NBEA: variants seen among roughly 807,000 people sequenced by gnomAD.
NBEA encodes the protein neurobeachin, also known as lysosomal-trafficking regulator 2.
In NBEA, 44 loss-of-function variants were observed where a neutral mutation model predicts 343.4. The observed-to-expected ratio is 0.13, with a 90% CI of 0.10 to 0.16. NBEA has a LOEUF of 0.16. NBEA is among the 10% of genes least tolerant of loss of function. NBEA has a pLI of 1.00. For synonymous variants in NBEA, 1,175 were observed against 1,238.7 expected (o/e 0.95, Z 1.08); for missense variants, 2,555 against 3,631.3 (o/e 0.70, Z 7.62).
At chr13:35,645,456 A>G (rs2084179936) in intron 49 of NBEA, among the ~76,000 whole-genome samples, 1 of 152,194 alleles carries the variant, frequency 6.6e-6, no homozygotes, top group African/African-American at 2.4e-5. Flanking sequence ...TTTGACACAC[A>G]CAAGAAAGGT....
intron 1 of NBEA, among the ~76,000 whole-genome samples, chr13:35,024,604 T>C (rs1250428892): frequency 6.6e-6 from 1 of 152,086 alleles, no homozygotes; most frequent in Non-Finnish European, 1.5e-5. Context: ...TATTTGAACC[T>C]GATAGGCGGA....
chr13:34,948,169 G>A (rs950398044), intron 1 of NBEA, among the ~76,000 whole-genome samples: 3 of 152,154 alleles, frequency 2.0e-5, no homozygotes, highest in Non-Finnish European at 4.4e-5. Flanking sequence ...CTTTGTAGTG[G>A]TACCTCAGTT....
chr13:35,048,839 A>C (rs1320176918), intron 5 of NBEA, among the ~76,000 whole-genome samples, 155 bp downstream of exon 5: 1 of 151,852 alleles, frequency 6.6e-6, no homozygotes, highest in Non-Finnish European at 1.5e-5. Flanking sequence ...TTATTTATGT[A>C]TGTATATATG....
intron 35 of NBEA, among the ~76,000 whole-genome samples, chr13:35,303,864 G>C (rs563265144): frequency 2.0e-5 from 3 of 152,198 alleles, no homozygotes; most frequent in Admixed American, 1.3e-4. Context: ...TTTTGTGATT[G>C]TTTACTCTAG....
chr13:35,650,114 G>A (rs1308508356), intron 52 of NBEA, among the ~76,000 whole-genome samples: 3 of 152,074 alleles, frequency 2.0e-5, no homozygotes, highest in African/African-American at 7.2e-5. Context: ...AATAATTCAG[G>A]TTCTCCTACT....
intron 16 of NBEA, among the ~76,000 whole-genome samples, chr13:35,119,919 A>G (rs2066703851): frequency 6.6e-6 from 1 of 152,164 alleles, no homozygotes; most frequent in African/African-American, 2.4e-5. Flanking sequence ...TTTGAGCTAT[A>G]TGAAACTGTT....
At chr13:35,075,167 A>C (rs1191164607) in intron 10 of NBEA, among the ~76,000 whole-genome samples, 2 of 152,152 alleles carry the variant, frequency 1.3e-5, no homozygotes, top group Non-Finnish European at 2.9e-5. Context: ...CTGACTCTAA[A>C]CCACTGTGGA....
chr13:35,472,217 G>A (rs933790454), intron 40 of NBEA, among the ~76,000 whole-genome samples, 183 bp from the exon 41 acceptor site: 1 of 152,086 alleles, frequency 6.6e-6, no homozygotes, highest in Non-Finnish European at 1.5e-5. Context: ...CTCTAGTCTC[G>A]TTATAAGGTA....
At chr13:35,368,230 G>C (rs1463433760) in intron 38 of NBEA, among the ~76,000 whole-genome samples, 1 of 151,298 alleles carries the variant, frequency 6.6e-6, no homozygotes. Flanking sequence ...TTCTTCCCAG[G>C]TAAATTCCAG....
At chr13:35,512,784 T>C (rs2077327640) in intron 41 of NBEA, among the ~76,000 whole-genome samples, 2 of 152,328 alleles carry the variant, frequency 1.3e-5, no homozygotes, top group South Asian at 4.1e-4. Flanking sequence ...GGCAAACCTC[T>C]GGATTAGCTG....
chr13:35,145,529 T>C (rs2068366979), intron 18 of NBEA, among the ~76,000 whole-genome samples: 1 of 152,192 alleles, frequency 6.6e-6, no homozygotes, highest in Non-Finnish European at 1.5e-5. Flanking sequence ...GTGGCTTCCC[T>C]TTCTGGCTCT....
intron 38 of NBEA, among the ~76,000 whole-genome samples, chr13:35,423,926 T>G (rs529302282): frequency 5.3e-5 from 8 of 152,284 alleles, no homozygotes; most frequent in African/African-American, 1.7e-4. Context: ...TGAATGCGAG[T>G]TCACTCATGA....
At chr13:35,131,503 T>C (rs752151001) in intron 17 of NBEA, among the ~76,000 whole-genome samples, 1 of 152,196 alleles carries the variant, frequency 6.6e-6, no homozygotes, top group Non-Finnish European at 1.5e-5. Context: ...TCATTTGTCA[T>C]AAAAATTTTT....
At chr13:35,389,847 T>C (rs905859217) in intron 38 of NBEA, among the ~76,000 whole-genome samples, 7 of 151,980 alleles carry the variant, frequency 4.6e-5, no homozygotes, top group African/African-American at 1.2e-4. Context: ...GCTAGCTGAG[T>C]ATACTAATTT....
chr13:35,669,890 A>G (rs933477017), intron 58 of NBEA, among the ~76,000 whole-genome samples: 8 of 152,108 alleles, frequency 5.3e-5, no homozygotes, highest in Non-Finnish European at 2.9e-5. Context: ...AAGGGCAGGA[A>G]AGACCTTAGA....
At chr13:35,454,008 C>T (rs2046435968) in intron 40 of NBEA, among the ~76,000 whole-genome samples, 1 of 152,138 alleles carries the variant, frequency 6.6e-6, no homozygotes, top group Non-Finnish European at 1.5e-5. Flanking sequence ...ATGGATTTGT[C>T]ATTGAGCATA....
chr13:35,154,456 A>G (rs915599128), intron 18 of NBEA, among the ~76,000 whole-genome samples: 1 of 152,248 alleles, frequency 6.6e-6, no homozygotes, highest in Non-Finnish European at 1.5e-5. Flanking sequence ...TCACAGATAT[A>G]AAATGATGTC....
intron 17 of NBEA, among the ~76,000 whole-genome samples, chr13:35,132,298 C>A (rs1278592984): frequency 6.6e-6 from 1 of 152,152 alleles, no homozygotes; most frequent in Non-Finnish European, 1.5e-5. Context: ...GCCAGGACTA[C>A]AGGTGCGTGC....
chr13:35,246,675 T>A (rs2031247689), intron 34 of NBEA, among the ~76,000 whole-genome samples: 2 of 152,170 alleles, frequency 1.3e-5, no homozygotes, highest in African/African-American at 4.8e-5. Context: ...CAGCACCTGC[T>A]CCAATGAAGG....
Sources: gnomAD v4.1 joint callset for allele counts (sites outside exome capture counted in the v4.1 genomes callset) on GRCh38, gnomAD v4.1.1 for gene constraint, MANE v1.5 for transcripts, NCBI Gene and HGNC (gene_info 2026-07-23, HGNC 2026-07-21) for gene names.